Variants in PCK1 observed in about 807,000 individuals in gnomAD.
The protein encoded by PCK1 is phosphoenolpyruvate carboxykinase, cytosolic [GTP].
In PCK1, 44 loss-of-function variants were observed where a neutral mutation model predicts 50.3. The observed-to-expected ratio is 0.87, with a 90% confidence interval of 0.69 to 1.12. The LOEUF is 1.12. Ranked by LOEUF, PCK1 falls within the 50% of genes most tolerant of loss-of-function variation. PCK1 has a pLI of 0.00. For synonymous variants in PCK1, 332 were observed against 314.3 expected, an observed-to-expected ratio of 1.06 and a Z score of -0.59; for missense variants, 790 against 815.0, an observed-to-expected ratio of 0.97 and a Z score of 0.37.
At chr20:57,563,502 C>T (rs1358706208) in intron 5 of PCK1, 63 bp from the exon 6 acceptor site, 2 of 1,210,766 alleles carry the variant, frequency 1.7e-6, no homozygotes, top group Non-Finnish European at 2.4e-6. Flanking sequence ...AACCTCTGGG[C>T]TGAAGTACCA....
chr20:57,563,141 G>C lies in PCK1; in HGVS notation c.724G>C (p.Gly242Arg). 8.7e-6 allele frequency: 14 copies of C among 1,613,806 alleles called. No individual in the cohort carries two copies. Among genetic ancestry groups the C allele is most frequent in the Non-Finnish European group, 1.2e-5 (14 of 1,180,008 alleles). The change falls in exon 5 of 10, where the codon GGG becomes CGG. Residue 242 changes from glycine (G) to arginine (R), a missense_variant. Gly to Arg is a moderately radical substitution (Grantham distance 125). Coordinates refer to ENST00000319441, the MANE Select transcript of PCK1 (RefSeq NM_002591.4). ...GSGYGGNSLL[G>R]KKCFALRMAS... Reference sequence around the variant, plus strand: ...TGGGTACGGCGGGAACTCGCTGCTCGGGAAGAAGTGCTTTGCTCTCAGGAT... The same window carrying C: ...TGGGTACGGCGGGAACTCGCTGCTCCGGAAGAAGTGCTTTGCTCTCAGGAT...
chr20:57,563,310 T>C, intron 5 of PCK1, 95 bp downstream of exon 5: 1 of 1,173,640 alleles, frequency 8.5e-7, no homozygotes. Flanking sequence ...CACACCTCTC[T>C]GAGCGTGCAG....
In PCK1 at chr20:57,565,765, A is replaced by G. The variant is rs2070198962; in HGVS notation, c.1830A>G (p.Arg610=). 1 of 1,613,054 alleles carries G rather than the reference A, an allele frequency of 6.2e-7. No homozygotes were observed. The highest frequency in any genetic ancestry group is 8.5e-7 in the Non-Finnish European group (1 of 1,179,698). The change falls in exon 10 of 10, where the codon AGA becomes AGG. Residue 610 remains arginine (R), a synonymous_variant. Coordinates refer to ENST00000319441, the MANE Select transcript of PCK1 (RefSeq NM_002591.4). The part of the protein sequence containing the change: ...VNADLPCEIE[R]EILALKQRIS... ...CCGACCTCCCCTGTGAAATCGAGAG[A>G]GAGATCCTTGCCTTGAAGCAAAGAA...
At chr20:57,561,252 C>T (rs923470357) in intron 1 of PCK1, 49 bp downstream of exon 1, 1 of 574,676 alleles carries the variant, frequency 1.7e-6, no homozygotes. Context: ...AAGATGAACT[C>T]ATTTTTTTCC....
rs181986215 is a variant in PCK1 at position 57,563,776 on chromosome 20, C to T, written c.961+49C>T. 6.5e-5 allele frequency: 95 copies of T among 1,454,578 alleles called. No homozygotes were observed. In the East Asian group the frequency reaches 1.5e-3, roughly 23 times the overall value. 90.1% of individuals were successfully genotyped at this position (1,454,578 alleles called of 1,614,324 possible). On this transcript the variant is annotated intron_variant, in intron 6 of 9. Coordinates refer to ENST00000319441, the MANE Select transcript of PCK1 (RefSeq NM_002591.4). ...TGGTAACGATTGGACTCAAGCGAAT[C>T]GTTGGCCTTCGAAACATGTCACATT...
chr20:57,561,225 CA>C, intron 1 of PCK1, 22 bp downstream of exon 1: 1 of 538,536 alleles, frequency 1.9e-6, no homozygotes, highest in Non-Finnish European at 3.3e-6. Flanking sequence ...TTTGCATTTA[CA>C]TTTTGAAAAA....
chr20:57,564,025 T>C, intron 6 of PCK1, 144 bp from the exon 7 acceptor site: 3 of 652,456 alleles, frequency 4.6e-6, no homozygotes, highest in Non-Finnish European at 8.0e-6. Context: ...ATATGATGCT[T>C]GGATGAAAAG....
Position 57,562,874 on chromosome 20 carries a change from T to C in PCK1, c.585T>C (p.Ser195=), listed in dbSNP as rs2070162083. ...GGGAGTTTGTCAAATGCCTCCATTCTGTGGGGTGCCCTCTGCCTTTACAAA... is the reference window on the plus strand; with the variant it reads ...GGGAGTTTGTCAAATGCCTCCATTCCGTGGGGTGCCCTCTGCCTTTACAAA... ...GDGEFVKCLH[S]VGCPLPLQKP... is the part of the protein sequence containing the mutation. Residue 195 remains serine, a synonymous_variant, in exon 4 of 10, where the codon TCT becomes TCC. Coordinates refer to ENST00000319441, the MANE Select transcript of PCK1 (RefSeq NM_002591.4). 1 of 1,612,578 alleles carries C rather than the reference T, an allele frequency of 6.2e-7. No homozygotes were observed.
chr20:57,563,933 T>C, intron 6 of PCK1: 1 of 612,800 alleles, frequency 1.6e-6, no homozygotes, highest in Non-Finnish European at 2.9e-6. Context: ...ATGTTGCTGT[T>C]TGTTTACATA....
At position 57,567,475 on chromosome 20, in the gene PCK1, G is replaced by A. The variant is rs769015189; in HGVS notation, c.*1671G>A. The stretch of plus-strand genomic sequence containing the variant: ...GGCTTGTTAGAATATCAAAACCACC[G>A]AAGGGGAAAAACCACTTACTGGAAT... On this transcript the variant is annotated 3_prime_UTR_variant, in exon 10 of 10. Coordinates refer to ENST00000319441, the MANE Select transcript of PCK1 (RefSeq NM_002591.4). 3.3e-5 allele frequency: 5 copies of A among 152,232 alleles called. No individual in the cohort carries two copies. The highest frequency in any genetic ancestry group is 9.6e-5 in the African/African-American group (4 of 41,454). 9.4% of individuals were successfully genotyped at this position (152,232 alleles called of 1,614,324 possible).
rs1008157072 is a variant in PCK1 at position 57,566,997 on chromosome 20, G to T, written c.*1193G>T. ...ATCATGCCAACACCATGGGCTGCCC[G>T]AGAAGAGAGGTGGGTGGTTTGGTCC... On this transcript the variant is annotated 3_prime_UTR_variant, in exon 10 of 10. Coordinates refer to ENST00000319441, the MANE Select transcript of PCK1 (RefSeq NM_002591.4). 6.6e-6 allele frequency: 1 copy of T among 152,200 alleles called. No individual in the cohort carries two copies. Among genetic ancestry groups the T allele is most frequent in the East Asian group, 1.9e-4 (1 of 5,184 alleles). 9.4% of individuals were successfully genotyped at this position (152,200 alleles called of 1,614,324 possible). A position where few individuals can be genotyped will look rare whatever the true frequency, so the allele number is the denominator to read the frequency against.
rs933664552 is a variant in PCK1, at chr20:57,567,235, A to G, written c.*1431A>G. ...GCGGGCAGGCTTGTTCTTATGTCAC[A>G]CTCCACCCCTCCAGTCTCCTCAACT... On this transcript the variant is annotated 3_prime_UTR_variant, in exon 10 of 10. Coordinates refer to ENST00000319441, the MANE Select transcript of PCK1 (RefSeq NM_002591.4). 7 of 151,766 alleles carry G rather than the reference A, an allele frequency of 4.6e-5. No individual in the cohort carries two copies. Among genetic ancestry groups the G allele is most frequent in the Admixed American group, 3.3e-4 (5 of 15,228 alleles). 9.4% of individuals were successfully genotyped at this position (151,766 alleles called of 1,614,324 possible).
At position 57,565,966 on chromosome 20, in the gene PCK1, G is replaced by A; in HGVS notation, c.*162G>A. The A allele has an allele frequency of 1.7e-6, 1 of 582,564 alleles. No individual in the cohort carries two copies. The highest frequency in any genetic ancestry group is 3.0e-6 in the Non-Finnish European group (1 of 334,176). The allele number at this position is 582,564 out of a possible 1,614,324, so 36.1% of individuals were successfully genotyped here. On this transcript the variant is annotated 3_prime_UTR_variant, in exon 10 of 10. Transcript: ENST00000319441. ...CACACTTTGATTTTTTTAAGGATAA[G>A]AACCACAGAACACTGGGTAGTAGCT...
At chr20:57,561,245 A>G in intron 1 of PCK1, 42 bp downstream of exon 1, 1 of 566,984 alleles carries the variant, frequency 1.8e-6, no homozygotes, top group Non-Finnish European at 3.1e-6. Context: ...AATTACAAAG[A>G]TGAACTCATT....
chr20:57,564,839 T>G (rs2070187830), intron 8 of PCK1: 1 of 629,060 alleles, frequency 1.6e-6, no homozygotes, highest in Non-Finnish European at 2.8e-6. Context: ...CTTGATCAAA[T>G]TTTACTTTTT....
chr20:57,567,825 C>T lies in PCK1; in HGVS notation c.*2021C>T, dbSNP rs925623926. ...TCTCCACTCCCTCGGCAGGCAAAGACACTGGCCATCTCCAAATTCCCTCCC... is the reference window on the plus strand; with the variant it reads ...TCTCCACTCCCTCGGCAGGCAAAGATACTGGCCATCTCCAAATTCCCTCCC... On this transcript the variant is annotated 3_prime_UTR_variant, in exon 10 of 10. Transcript: ENST00000319441. 2 of 152,418 alleles carry T rather than the reference C, an allele frequency of 1.3e-5. No homozygotes were observed. The highest frequency in any genetic ancestry group is 4.8e-5 in the African/African-American group (2 of 41,476). 9.4% of individuals were successfully genotyped at this position (152,418 alleles called of 1,614,324 possible).
intron 6 of PCK1, 155 bp from the exon 7 acceptor site, chr20:57,564,014 C>T: frequency 1.6e-6 from 1 of 637,842 alleles, no homozygotes. Context: ...ATCAAAGTTG[C>T]ATATGATGCT....
At chr20:57,565,282 A>T in intron 9 of PCK1, 68 bp from the exon 10 acceptor site, 1 of 1,385,992 alleles carries the variant, frequency 7.2e-7, no homozygotes, top group African/African-American at 1.4e-5. Flanking sequence ...GCTAATGTCA[A>T]CAATCAATGG....
chr20:57,561,294 C>T (rs1409452801), intron 1 of PCK1, 78 bp from the exon 2 acceptor site: 2 of 683,038 alleles, frequency 2.9e-6, no homozygotes, highest in African/African-American at 3.5e-5. Flanking sequence ...AATGCACAGC[C>T]CTGGCAAAAG....
Sources: gnomAD v4.1 joint callset for allele counts on GRCh38, gnomAD v4.1.1 for gene constraint, MANE v1.5 for transcripts, NCBI Gene and HGNC (gene_info 2026-07-23, HGNC 2026-07-21) for gene names.